Variants in EFR3A observed in about 807,000 individuals in gnomAD.
EFR3A encodes the protein EFR3 homolog A.
Under a neutral mutation model 104.4 loss-of-function variants are expected in EFR3A, and 76 were observed. The observed-to-expected ratio is 0.73, with a 90% CI of 0.60 to 0.88. EFR3A has a LOEUF of 0.88. Ranked by LOEUF, EFR3A falls within the 40% of genes least tolerant of loss-of-function variation. The pLI, the probability that EFR3A is intolerant of heterozygous loss-of-function variation, is 0.00. For missense variants in EFR3A, 985 were observed against 1,012.5 expected, an observed-to-expected ratio of 0.97 and a Z score of 0.37; for synonymous variants, 330 against 330.0, an observed-to-expected ratio of 1.00 and a Z score of 0.00.
At chr8:131,940,863 C>A (rs528780034) in intron 2 of EFR3A, among the ~76,000 whole-genome samples, 2 of 152,072 alleles carry the variant, frequency 1.3e-5, no homozygotes, top group African/African-American at 4.8e-5. Context: ...AATTTATGTT[C>A]ATTAATTTAT....
At chr8:131,917,005 A>G (rs1586527625) in intron 1 of EFR3A, among the ~76,000 whole-genome samples, 1 of 152,206 alleles carries the variant, frequency 6.6e-6, no homozygotes, top group Admixed American at 6.5e-5. Flanking sequence ...TGTAAACTGT[A>G]AATTGTGCAG....
rs1822341401 is a variant in EFR3A at position 132,011,454 on chromosome 8, T to G, written c.*559T>G. On this transcript the variant is annotated 3_prime_UTR_variant, in exon 23 of 23. Coordinates refer to ENST00000254624, the MANE Select transcript of EFR3A (RefSeq NM_015137.6). ...AATATGTGATAGGCATTCCTCATCT[T>G]CTTCACAATAATAGGACATCTGTTG... The G allele has an allele frequency of 4.1e-6, 4 of 975,218 alleles. No homozygotes were observed. The highest frequency in any genetic ancestry group is 4.9e-6 in the Non-Finnish European group (4 of 820,676). 60.4% of individuals were successfully genotyped at this position (975,218 alleles called of 1,614,324 possible).
chr8:131,928,993 C>T (rs1324877498), intron 1 of EFR3A, among the ~76,000 whole-genome samples: 1 of 152,082 alleles, frequency 6.6e-6, no homozygotes, highest in Non-Finnish European at 1.5e-5. Context: ...CCTCAGGATT[C>T]TCTAAGTCTC....
chr8:131,943,601 C>A (rs1455498511), intron 2 of EFR3A, among the ~76,000 whole-genome samples: 2 of 151,974 alleles, frequency 1.3e-5, no homozygotes, highest in African/African-American at 2.4e-5. Flanking sequence ...AACTTAGGTT[C>A]ATTTGACATT....
intron 14 of EFR3A, among the ~76,000 whole-genome samples, chr8:131,982,016 T>C (rs535976879): frequency 2.2e-4 from 34 of 152,234 alleles, no homozygotes; most frequent in African/African-American, 7.9e-4. Flanking sequence ...TATTATGAAA[T>C]ATAAAATACA....
chr8:131,979,495 G>T, intron 14 of EFR3A, 74 bp downstream of exon 14: 1 of 1,052,550 alleles, frequency 9.5e-7, no homozygotes, highest in South Asian at 1.5e-5. Context: ...GTTTTATATT[G>T]ATCTGTGCCC....
intron 1 of EFR3A, among the ~76,000 whole-genome samples, chr8:131,913,199 C>T (rs529998268): frequency 6.7e-6 from 1 of 148,262 alleles, no homozygotes; most frequent in South Asian, 2.1e-4. Context: ...AGTATGATCA[C>T]AAAATGAATG....
chr8:131,971,834 T>C (rs1820071101), intron 10 of EFR3A, among the ~76,000 whole-genome samples: 1 of 152,230 alleles, frequency 6.6e-6, no homozygotes, highest in Admixed American at 6.5e-5. Flanking sequence ...GGCATTATTA[T>C]ATTCCTCCAC....
At chr8:131,957,834 A>G (rs543610462) in intron 7 of EFR3A, among the ~76,000 whole-genome samples, 25 of 152,366 alleles carry the variant, frequency 1.6e-4, no homozygotes, top group African/African-American at 6.0e-4. Context: ...TTTTTAATCA[A>G]CAGTGAGCAC....
At chr8:131,946,689 A>C in intron 4 of EFR3A, 56 bp downstream of exon 4, 1 of 1,414,712 alleles carries the variant, frequency 7.1e-7, no homozygotes, top group South Asian at 1.6e-5. Context: ...TCTAGAATTA[A>C]TTACTTCTTA....
At chr8:132,009,958 G>C (rs555883749) in intron 22 of EFR3A, among the ~76,000 whole-genome samples, 6 of 152,086 alleles carry the variant, frequency 3.9e-5, no homozygotes, top group African/African-American at 1.4e-4. Context: ...AAATTGATAA[G>C]AGAAAAATAT....
At chr8:131,934,625 A>T (rs868194854) in intron 1 of EFR3A, among the ~76,000 whole-genome samples, 1 of 152,196 alleles carries the variant, frequency 6.6e-6, no homozygotes, top group Middle Eastern at 3.4e-3. Flanking sequence ...TTTATAGATA[A>T]TACATATGTG....
In EFR3A at chr8:132,011,772, ATTTTGAT is replaced by A. The variant is rs2130830461; in HGVS notation, c.*880_*886del. On this transcript the variant is annotated 3_prime_UTR_variant, in exon 23 of 23. Coordinates refer to ENST00000254624, the MANE Select transcript of EFR3A (RefSeq NM_015137.6). ...TAGTTCACCTGTGAAGAGTCTGTAC[ATTTTGAT>A]TTCTATTAAGAGCACATTTATTTAC... The A allele has an allele frequency of 6.6e-6, 1 of 152,642 alleles. No homozygotes were observed. Among genetic ancestry groups the A allele is most frequent in the East Asian group, 1.9e-4 (1 of 5,186 alleles). 9.5% of individuals were successfully genotyped at this position (152,642 alleles called of 1,614,324 possible).
intron 1 of EFR3A, among the ~76,000 whole-genome samples, chr8:131,922,358 A>G (rs1282263863): frequency 6.6e-6 from 1 of 152,064 alleles, no homozygotes; most frequent in East Asian, 1.9e-4. Flanking sequence ...GAAACTTTTG[A>G]GCTCCTTTTT....
At chr8:131,940,957 A>G (rs550667005) in intron 2 of EFR3A, among the ~76,000 whole-genome samples, 1 of 152,232 alleles carries the variant, frequency 6.6e-6, no homozygotes, top group South Asian at 2.1e-4. Context: ...TTATGCACAT[A>G]TATAAGTAAA....
At chr8:131,975,316 G>A (rs1820269067) in intron 10 of EFR3A, among the ~76,000 whole-genome samples, 1 of 151,778 alleles carries the variant, frequency 6.6e-6, no homozygotes, top group African/African-American at 2.4e-5. Flanking sequence ...ACAATGTGTG[G>A]CCTGATTACC....
chr8:131,976,153 G>T lies in EFR3A; in HGVS notation c.1274+12G>T, dbSNP rs779590437. ...ATCAGTCAACTAGGGTATGTTCTCA[G>T]ACTGTAAATTTGAACTTAATCTTGA... On this transcript the variant is annotated intron_variant, in intron 11 of 22. Transcript: ENST00000254624. 8.2e-6 allele frequency: 12 copies of T among 1,457,866 alleles called. No homozygotes were observed. The highest frequency in any genetic ancestry group is 1.1e-5 in the Non-Finnish European group (12 of 1,056,136). 90.3% of individuals were successfully genotyped at this position (1,457,866 alleles called of 1,614,324 possible). A position where few individuals can be genotyped will look rare whatever the true frequency, so the allele number is the denominator to read the frequency against.
chr8:131,930,955 AC>A (rs1378997046), intron 1 of EFR3A, among the ~76,000 whole-genome samples: 1 of 152,188 alleles, frequency 6.6e-6, no homozygotes, highest in Non-Finnish European at 1.5e-5. Flanking sequence ...TTTCCCGAAT[AC>A]CTGAAGTACA....
intron 1 of EFR3A, chr8:131,938,205 A>G (rs1339760516): frequency 5.0e-6 from 2 of 397,612 alleles, no homozygotes; most frequent in African/African-American, 2.1e-5. Context: ...AAGATCGACT[A>G]GAAAATAGTC....
Sources: gnomAD v4.1 joint callset for allele counts (sites outside exome capture counted in the v4.1 genomes callset) on GRCh38, gnomAD v4.1.1 for gene constraint, MANE v1.5 for transcripts, NCBI Gene and HGNC (gene_info 2026-07-23, HGNC 2026-07-21) for gene names.